Variants in EPHB1 observed in about 807,000 individuals in gnomAD.
EPHB1 encodes the protein EPH receptor B1.
A neutral mutation model predicts 94.4 loss-of-function variants in EPHB1; 30 were observed. That is an observed-to-expected ratio of 0.32 (90% CI 0.24 to 0.43). The LOEUF (loss-of-function observed/expected upper bound fraction) is 0.43. Ranked by LOEUF, EPHB1 falls within the 20% of genes least tolerant of loss-of-function variation. The pLI, the probability that EPHB1 is intolerant of heterozygous loss-of-function variation, is 1.00. For missense variants in EPHB1, 1,055 were observed against 1,308.3 expected (o/e 0.81, Z 2.99); for synonymous variants, 522 against 489.1 (o/e 1.07, Z -0.89).
At chr3:135,246,317 C>T (rs1943922806) in intron 13 of EPHB1, among the ~76,000 whole-genome samples, 2 of 152,268 alleles carry the variant, frequency 1.3e-5, no homozygotes, top group Non-Finnish European at 1.5e-5. Flanking sequence ...GACTGGGACC[C>T]TCAATCTAGT....
chr3:135,108,364 T>A (rs540086522), intron 4 of EPHB1, among the ~76,000 whole-genome samples: 54 of 152,244 alleles, frequency 3.5e-4, no homozygotes, highest in Non-Finnish European at 7.1e-4. Context: ...ACACATGTAG[T>A]CATTGTATTT....
chr3:134,959,493 C>A (rs1933418610), intron 3 of EPHB1, among the ~76,000 whole-genome samples: 1 of 152,232 alleles, frequency 6.6e-6, no homozygotes. Context: ...AACTGTCTCT[C>A]ACAAATGACC....
chr3:134,859,433 C>T (rs1318340325), intron 1 of EPHB1, among the ~76,000 whole-genome samples: 1 of 152,176 alleles, frequency 6.6e-6, no homozygotes, highest in Non-Finnish European at 1.5e-5. Context: ...GCCATTCTGG[C>T]CAAGGTGTGT....
At chr3:134,947,951 T>C (rs935229652) in intron 2 of EPHB1, among the ~76,000 whole-genome samples, 6 of 152,078 alleles carry the variant, frequency 3.9e-5, no homozygotes, top group East Asian at 1.9e-4. Flanking sequence ...CCACCAATCT[T>C]GGTTAATTTA....
chr3:134,868,700 C>T (rs1578153325), intron 1 of EPHB1, among the ~76,000 whole-genome samples: 1 of 152,054 alleles, frequency 6.6e-6, no homozygotes, highest in African/African-American at 2.4e-5. Context: ...GAGATACAGA[C>T]AAGAAAACAA....
chr3:134,829,691 G>T (rs1390844427), intron 1 of EPHB1, among the ~76,000 whole-genome samples: 1 of 152,074 alleles, frequency 6.6e-6, no homozygotes, highest in East Asian at 1.9e-4. Context: ...ACTTCAGAAC[G>T]TGCCCTTATT....
At chr3:135,087,373 A>G (rs1938396445) in intron 3 of EPHB1, among the ~76,000 whole-genome samples, 2 of 152,182 alleles carry the variant, frequency 1.3e-5, no homozygotes. Context: ...TGTTTTATGG[A>G]CCTTTATCTT....
chr3:135,197,908 T>A (rs1438621640), intron 11 of EPHB1, among the ~76,000 whole-genome samples: 2 of 152,248 alleles, frequency 1.3e-5, no homozygotes, highest in African/African-American at 4.8e-5. Context: ...CAACTGAGCA[T>A]GTAACAGTTA....
chr3:135,258,065 C>G (rs948693199), intron 15 of EPHB1, among the ~76,000 whole-genome samples: 5 of 152,198 alleles, frequency 3.3e-5, no homozygotes, highest in Non-Finnish European at 5.9e-5. Context: ...CCTCACCCTG[C>G]TTCGGCTCGT....
chr3:135,241,275 A>T lies in EPHB1; in HGVS notation c.2474A>T (p.Tyr825Phe). 6.2e-7 allele frequency: 1 copy of T among 1,614,162 alleles called. No homozygotes were observed. Among genetic ancestry groups the T allele is most frequent in the Non-Finnish European group, 8.5e-7 (1 of 1,180,020 alleles). Reference sequence around the variant, plus strand: ...GTCATGTCATTTGGAGAGAGACCCTATTGGGATATGTCCAACCAAGATGTG... The same window carrying T: ...GTCATGTCATTTGGAGAGAGACCCTTTTGGGATATGTCCAACCAAGATGTG... The part of the protein sequence containing the change: ...WEVMSFGERP[Y>F]WDMSNQDVIN... Residue 825 changes from tyrosine (Y) to phenylalanine (F), a missense_variant, in exon 13 of 16, where the codon TAT becomes TTT. Physicochemically the swap from Tyr to Phe is conservative, Grantham distance 22. Transcript: ENST00000398015.
At chr3:134,998,493 ACTAAGT>A in intron 3 of EPHB1, among the ~76,000 whole-genome samples, 1 of 152,320 alleles carries the variant, frequency 6.6e-6, no homozygotes, top group Non-Finnish European at 1.5e-5. Flanking sequence ...ATGAGCATGT[ACTAAGT>A]CTGGGGAGGT....
chr3:134,867,806 A>G (rs2037412396), intron 1 of EPHB1, among the ~76,000 whole-genome samples: 1 of 152,116 alleles, frequency 6.6e-6, no homozygotes, highest in Non-Finnish European at 1.5e-5. Flanking sequence ...TGGAGAGTAG[A>G]TTGGCCTCCC....
At chr3:134,810,289 G>GTGTGTGTGTGTA (rs2036145622) in intron 1 of EPHB1, among the ~76,000 whole-genome samples, 1 of 151,602 alleles carries the variant, frequency 6.6e-6, no homozygotes, top group South Asian at 2.1e-4. Context: ...GTGTGTGTGT[G>GTGTGTGTGTGTA]TGTGTGTGTG....
At chr3:134,825,186 G>A (rs2036453877) in intron 1 of EPHB1, among the ~76,000 whole-genome samples, 1 of 152,340 alleles carries the variant, frequency 6.6e-6, no homozygotes, top group Middle Eastern at 3.4e-3. Context: ...TAATGGGAAG[G>A]GGATGGCCAG....
intron 3 of EPHB1, among the ~76,000 whole-genome samples, chr3:135,034,879 AG>A (rs1469074483): frequency 6.6e-6 from 1 of 152,246 alleles, no homozygotes; most frequent in Non-Finnish European, 1.5e-5. Context: ...CTCTGCCTGT[AG>A]GACCTGAATA....
At chr3:134,986,948 A>G (rs914671220) in intron 3 of EPHB1, among the ~76,000 whole-genome samples, 4 of 152,192 alleles carry the variant, frequency 2.6e-5, no homozygotes, top group Non-Finnish European at 4.4e-5. Context: ...GTGTTAATAG[A>G]GTCTTCTCAC....
At chr3:135,196,728 C>T (rs917275869) in intron 11 of EPHB1, among the ~76,000 whole-genome samples, 2 of 152,166 alleles carry the variant, frequency 1.3e-5, no homozygotes, top group Non-Finnish European at 2.9e-5. Context: ...TCCCCTCCAA[C>T]TTCTCCTTTC....
chr3:135,034,577 G>T (rs1057189069), intron 3 of EPHB1, among the ~76,000 whole-genome samples: 1 of 152,264 alleles, frequency 6.6e-6, no homozygotes, highest in African/African-American at 2.4e-5. Context: ...TGGACAGGTG[G>T]ATTGTGGTGA....
At chr3:134,902,387 G>T (rs1161237128) in intron 1 of EPHB1, among the ~76,000 whole-genome samples, 1 of 152,132 alleles carries the variant, frequency 6.6e-6, no homozygotes, top group Non-Finnish European at 1.5e-5. Context: ...ATGGGAAGTG[G>T]TCTCCAAAAC....
Sources: gnomAD v4.1 joint callset for allele counts (sites outside exome capture counted in the v4.1 genomes callset) on GRCh38, gnomAD v4.1.1 for gene constraint, MANE v1.5 for transcripts, NCBI Gene and HGNC (gene_info 2026-07-23, HGNC 2026-07-21) for gene names.